BCO1: variants seen among roughly 807,000 people sequenced by gnomAD.
BCO1 encodes the protein beta,beta-carotene 15,15'-dioxygenase.
BCO1 carries 54 observed loss-of-function variants against 56.3 expected under a neutral mutation model. The observed-to-expected ratio is 0.96, with a 90% CI of 0.77 to 1.20. BCO1 has a LOEUF of 1.20. Ranked by LOEUF, BCO1 falls within the 50% of genes most tolerant of loss-of-function variation. The probability of loss-of-function intolerance (pLI) is 0.00; values close to 1 mark genes in which losing one functional copy is unlikely to be tolerated. For missense variants in BCO1, 801 were observed against 690.9 expected (o/e 1.16, Z -1.79); for synonymous variants, 318 against 266.1 (o/e 1.20, Z -1.90).
intron 2 of BCO1, among the ~76,000 whole-genome samples, chr16:81,250,768 A>G (rs961286388): frequency 6.6e-6 from 1 of 151,862 alleles, no homozygotes; most frequent in African/African-American, 2.4e-5. Flanking sequence ...TTTAGTAGAG[A>G]TAGGGTCTCG....
intron 1 of BCO1, 28 bp downstream of exon 1, chr16:81,239,000 T>C: frequency 6.3e-7 from 1 of 1,591,452 alleles, no homozygotes. Flanking sequence ...CACTGGGCTC[T>C]TTCTTCTATT....
chr16:81,247,652 G>A (rs750517921), intron 2 of BCO1, among the ~76,000 whole-genome samples: 3 of 151,706 alleles, frequency 2.0e-5, no homozygotes, highest in Non-Finnish European at 2.9e-5. Flanking sequence ...TCAGCCTCCC[G>A]AGTAGCTGGG....
At chr16:81,245,755 C>CATG (rs1905368724) in intron 2 of BCO1, 152 bp downstream of exon 2, 1 of 933,624 alleles carries the variant, frequency 1.1e-6, no homozygotes, top group Non-Finnish European at 1.6e-6. Flanking sequence ...CATAGGGCCA[C>CATG]ATTCAGTTCT....
intron 2 of BCO1, among the ~76,000 whole-genome samples, chr16:81,256,182 G>C (rs960538668): frequency 4.0e-5 from 6 of 151,850 alleles, no homozygotes; most frequent in Non-Finnish European, 8.8e-5. Flanking sequence ...AGTGTTGTGA[G>C]TATGAAACCA....
intron 5 of BCO1, among the ~76,000 whole-genome samples, chr16:81,266,819 C>T (rs1420168603): frequency 6.6e-6 from 1 of 152,206 alleles, no homozygotes; most frequent in Non-Finnish European, 1.5e-5. Flanking sequence ...CCATCCTGCT[C>T]CTCCCAGGCC....
In BCO1 at chr16:81,280,942, A is replaced by C; in HGVS notation, c.1187A>C (p.Gln396Pro). ...LKEEDGQVYC[Q>P]PEFLYEGLEL... The stretch of plus-strand genomic sequence containing the variant: ...GAAGAAGATGGCCAAGTCTACTGCC[A>C]GCCGGAATTTCTTTATGAAGGTAAA... Residue 396 changes from glutamine to proline, a missense_variant, in exon 8 of 11, where the codon CAG (glutamine) becomes CCG (proline). Physicochemically the swap from Gln to Pro is moderately conservative, Grantham distance 76. Transcript: ENST00000258168. 6.2e-7 allele frequency: 1 copy of C among 1,613,994 alleles called. No individual in the cohort carries two copies. Among genetic ancestry groups the C allele is most frequent in the Non-Finnish European group, 8.5e-7 (1 of 1,179,828 alleles).
At chr16:81,272,144 C>G (rs763195569) in intron 7 of BCO1, among the ~76,000 whole-genome samples, 2 of 136,490 alleles carry the variant, frequency 1.5e-5, no homozygotes, top group Admixed American at 7.7e-5. Context: ...GAAGGAGTCT[C>G]GCTCTGTGGC....
At chr16:81,249,916 A>G (rs1905682397) in intron 2 of BCO1, among the ~76,000 whole-genome samples, 1 of 152,138 alleles carries the variant, frequency 6.6e-6, no homozygotes, top group African/African-American at 2.4e-5. Flanking sequence ...TGGTGTCTTC[A>G]TCATCTAGCA....
At chr16:81,261,935 G>A (rs1411481883) in intron 3 of BCO1, 1 of 560,402 alleles carries the variant, frequency 1.8e-6, no homozygotes. Flanking sequence ...GTACAGACGG[G>A]GTTTCACCGT....
intron 7 of BCO1, among the ~76,000 whole-genome samples, chr16:81,278,131 T>C (rs1907665177): frequency 6.6e-6 from 1 of 152,064 alleles, no homozygotes; most frequent in Non-Finnish European, 1.5e-5. Flanking sequence ...AACCTCCGCC[T>C]CCCAGGTTCA....
chr16:81,261,885 G>C (rs1476379012), intron 3 of BCO1: 4 of 402,414 alleles, frequency 9.9e-6, no homozygotes, highest in African/African-American at 8.3e-5. Flanking sequence ...GGGACTACAG[G>C]CGCCTGCCAC....
Position 81,249,925 on chromosome 16 carries a change from C to T in BCO1, c.193+4322C>T, listed in dbSNP as rs1397547160. Among the ~76,000 whole-genome samples the T allele has an allele frequency of 2.6e-5, 4 of 152,256 alleles. 1 individual carries two copies. The highest frequency in any genetic ancestry group is 7.2e-5 in the African/African-American group (3 of 41,572). ...GAATTGTGGTGTCTTCATCATCTAGCATGGGGCCTGGCCCAGAGGGGCGCT... is the reference window on the plus strand; with the variant it reads ...GAATTGTGGTGTCTTCATCATCTAGTATGGGGCCTGGCCCAGAGGGGCGCT... On this transcript the variant is annotated intron_variant, in intron 2 of 10. Coordinates refer to ENST00000258168, the MANE Select transcript of BCO1 (RefSeq NM_017429.3).
At chr16:81,241,865 T>C (rs6564856) in intron 1 of BCO1, among the ~76,000 whole-genome samples, 1 of 151,944 alleles carries the variant, frequency 6.6e-6, no homozygotes, top group Non-Finnish European at 1.5e-5. Flanking sequence ...GTTTTGGCTT[T>C]GTAACTGGCT....
chr16:81,270,110 C>T lies in BCO1; in HGVS notation c.844-49C>T, dbSNP rs201689377. ...TGTTCAGCCCCCAGATGCCACAGTG[C>T]CAGGCTGAGAGAGGGTGAGCTGAGC... On this transcript the variant is annotated intron_variant, in intron 6 of 10. Coordinates refer to ENST00000258168, the MANE Select transcript of BCO1 (RefSeq NM_017429.3). 19 of 1,611,796 alleles carry T rather than the reference C, an allele frequency of 1.2e-5. No individual in the cohort carries two copies. In the African/African-American group the frequency reaches 2.1e-4, roughly 18 times the overall value.
chr16:81,240,188 A>G (rs1354559375), intron 1 of BCO1, among the ~76,000 whole-genome samples: 1 of 152,064 alleles, frequency 6.6e-6, no homozygotes. Context: ...ATTAATTAGG[A>G]GTGCAAATGA....
At position 81,281,753 on chromosome 16, in the gene BCO1, A is replaced by G. The variant is rs143036869; in HGVS notation, c.1207+791A>G. Among the ~76,000 whole-genome samples the G allele has an allele frequency of 2.2e-3, 342 of 152,298 alleles. 1 individual carries two copies. The highest frequency in any genetic ancestry group is 0.01 in the Middle Eastern group (3 of 294). ...CATCTGGGGCTGGGTCATTCTTTGC[A>G]GTGGGTGCTGTCCAGGGAATTGTAA... On this transcript the variant is annotated intron_variant, in intron 8 of 10. Transcript: ENST00000258168.
At chr16:81,256,810 C>T (rs1906164291) in intron 2 of BCO1, among the ~76,000 whole-genome samples, 3 of 152,086 alleles carry the variant, frequency 2.0e-5, no homozygotes, top group Admixed American at 2.0e-4. Flanking sequence ...ATCGTTCGAA[C>T]CTGAGACGTG....
At chr16:81,278,043 T>A (rs1907659041) in intron 7 of BCO1, among the ~76,000 whole-genome samples, 1 of 152,062 alleles carries the variant, frequency 6.6e-6, no homozygotes, top group Admixed American at 6.6e-5. Context: ...TCTGTTTATT[T>A]TATTTTATTT....
rs373998572 is a variant in BCO1 at position 81,241,266 on chromosome 16, T to C, written c.64+2294T>C. Among the ~76,000 whole-genome samples, 4 of 151,640 alleles carry C rather than the reference T, an allele frequency of 2.6e-5. No homozygotes were observed. In the East Asian group the frequency reaches 7.9e-4, roughly 30 times the overall value. The stretch of plus-strand genomic sequence containing the variant: ...AGGCAGAGGTTGTAGTGAGCCAAGA[T>C]CGCACCACTGTACTCCAGCCTGGGC... On this transcript the variant is annotated intron_variant, in intron 1 of 10. Coordinates refer to ENST00000258168, the MANE Select transcript of BCO1 (RefSeq NM_017429.3).
Sources: gnomAD v4.1 joint callset for allele counts (sites outside exome capture counted in the v4.1 genomes callset) on GRCh38, gnomAD v4.1.1 for gene constraint, MANE v1.5 for transcripts, NCBI Gene and HGNC (gene_info 2026-07-23, HGNC 2026-07-21) for gene names.